Variants in RARS1 observed in about 807,000 individuals in gnomAD.
RARS1 encodes the protein arginine--tRNA ligase, cytoplasmic.
Under a neutral mutation model 78.7 loss-of-function variants are expected in RARS1, and 75 were observed. The observed-to-expected ratio is 0.95, with a 90% CI of 0.79 to 1.15. The LOEUF (loss-of-function observed/expected upper bound fraction) is 1.15, where lower values mean the gene tolerates loss of function less well. Ranked by LOEUF, RARS1 falls within the 50% of genes most tolerant of loss-of-function variation. The pLI, the probability that RARS1 is intolerant of heterozygous loss-of-function variation, is 0.00. For synonymous variants in RARS1, 273 were observed against 268.2 expected, an observed-to-expected ratio of 1.02 and a Z score of -0.18; for missense variants, 787 against 787.5, an observed-to-expected ratio of 1.00 and a Z score of 0.01.
At position 168,492,850 on chromosome 5, in the gene RARS1, G is replaced by A. The variant is rs1019030516; in HGVS notation, c.369+3G>A. ...ATAGTGCTATGGGTATTTCTCAGGT[G>A]ATGTATTGTCATGACTCTTGGCTGT... On this transcript the variant is annotated splice_donor_region_variant and intron_variant, in intron 3 of 14. Transcript: ENST00000231572. 1.0e-5 allele frequency: 16 copies of A among 1,592,742 alleles called. No individual in the cohort carries two copies. The highest frequency in any genetic ancestry group is 1.4e-5 in the Non-Finnish European group (16 of 1,162,108).
intron 9 of RARS1, among the ~76,000 whole-genome samples, chr5:168,504,073 A>G (rs1272865075): frequency 3.3e-5 from 5 of 151,550 alleles, no homozygotes; most frequent in African/African-American, 4.9e-5. Context: ...AAAAAAAAAA[A>G]AAAAAGAATA....
intron 9 of RARS1, among the ~76,000 whole-genome samples, chr5:168,502,697 A>G (rs1362061161): frequency 6.7e-6 from 1 of 149,794 alleles, no homozygotes. Flanking sequence ...TCAGCCTCCT[A>G]CGTAGCAGGA....
chr5:168,504,979 C>A (rs1048922881), intron 9 of RARS1, among the ~76,000 whole-genome samples: 4 of 152,168 alleles, frequency 2.6e-5, no homozygotes, highest in Admixed American at 6.5e-5. Context: ...GATGACAGAG[C>A]AAGACCCTGT....
intron 2 of RARS1, 97 bp downstream of exon 2, chr5:168,488,833 A>C: frequency 7.3e-7 from 1 of 1,374,078 alleles, no homozygotes; most frequent in Non-Finnish European, 9.8e-7. Context: ...TATCCTATGG[A>C]ATTTGGAAAA....
intron 3 of RARS1, 59 bp from the exon 4 acceptor site, chr5:168,493,835 A>G (rs17731981): frequency 0.028 from 39,181 of 1,376,620 alleles, 2,777 homozygotes; most frequent in Admixed American, 0.25. Flanking sequence ...TCAGGTGTGC[A>G]TTTGCGAGTA....
chr5:168,496,405 A>G (rs569793548), intron 6 of RARS1, among the ~76,000 whole-genome samples: 3 of 150,342 alleles, frequency 2.0e-5, no homozygotes. Context: ...CAGTAAGTCA[A>G]GAGGCTATCA....
rs569387659 is a variant in RARS1, at chr5:168,515,511, G to A, written c.1453-1267G>A. Among the ~76,000 whole-genome samples, 121 of 152,124 alleles carry A rather than the reference G, an allele frequency of 8.0e-4. 1 individual carries two copies. Among genetic ancestry groups the A allele is most frequent in the Non-Finnish European group, 6.2e-4 (42 of 68,038 alleles). On this transcript the variant is annotated intron_variant, in intron 12 of 14. Coordinates refer to ENST00000231572, the MANE Select transcript of RARS1 (RefSeq NM_002887.4). ...AAGATTTATTTGTTGTTGGGTGCTC[G>A]GCATTATGAAGAGAAAATTATAAAG... is the stretch of plus-strand genomic sequence containing the variant.
At chr5:168,486,588 C>T (rs1471104516) in intron 1 of RARS1, 45 bp downstream of exon 1, 1 of 1,547,430 alleles carries the variant, frequency 6.5e-7, no homozygotes, top group Non-Finnish European at 8.7e-7. Context: ...AGAGATGGAG[C>T]AGGCTCTGAC....
At chr5:168,495,198 T>C in intron 5 of RARS1, 117 bp from the exon 6 acceptor site, 3 of 1,434,830 alleles carry the variant, frequency 2.1e-6, no homozygotes, top group Non-Finnish European at 2.8e-6. Flanking sequence ...GAGTTTGTTA[T>C]TAAATGTGTT....
intron 2 of RARS1, among the ~76,000 whole-genome samples, chr5:168,489,447 T>C (rs1261773544): frequency 1.3e-5 from 2 of 152,246 alleles, no homozygotes; most frequent in African/African-American, 2.4e-5. Flanking sequence ...TTCTCTGCCC[T>C]AAGTTGGTTA....
intron 11 of RARS1, among the ~76,000 whole-genome samples, chr5:168,509,086 G>T (rs1181147645): frequency 6.6e-6 from 1 of 152,086 alleles, no homozygotes; most frequent in African/African-American, 2.4e-5. Context: ...AAAATTCATG[G>T]CAGGCGCAGG....
chr5:168,516,194 C>T (rs1758663394), intron 12 of RARS1, among the ~76,000 whole-genome samples: 1 of 151,598 alleles, frequency 6.6e-6, no homozygotes, highest in Non-Finnish European at 1.5e-5. Context: ...ATGTTTAACC[C>T]AGCTTTTAAA....
Position 168,494,349 on chromosome 5 carries a change from G to A in RARS1, c.479-201G>A, listed in dbSNP as rs61456455. ...AGTGAAAGGGCCCTGAGTTAAGTAG[G>A]AAGGTTTCAGGAGAGTGGTGAAGGC... On this transcript the variant is annotated intron_variant, in intron 4 of 14. Coordinates refer to ENST00000231572, the MANE Select transcript of RARS1 (RefSeq NM_002887.4). The A allele has an allele frequency of 5.2e-3, 5,077 of 985,402 alleles. 172 individuals carry two copies. In the African/African-American group the frequency reaches 0.083, roughly 16 times the overall value. The allele number at this position is 985,402 out of a possible 1,614,324, so 61.0% of individuals were successfully genotyped here. A position where few individuals can be genotyped will look rare whatever the true frequency, so the allele number is the denominator to read the frequency against.
intron 2 of RARS1, among the ~76,000 whole-genome samples, chr5:168,490,103 C>T (rs1315926160): frequency 2.0e-5 from 3 of 152,226 alleles, no homozygotes; most frequent in Admixed American, 6.5e-5. Flanking sequence ...CGTGAGCCAC[C>T]GTGCCCGGTG....
intron 12 of RARS1, among the ~76,000 whole-genome samples, 182 bp from the exon 13 acceptor site, chr5:168,516,596 A>G (rs747231404): frequency 6.6e-6 from 1 of 152,188 alleles, no homozygotes; most frequent in Non-Finnish European, 1.5e-5. Context: ...AACGCATTTT[A>G]TATTTTCATT....
chr5:168,502,206 A>G (rs1261603326), intron 9 of RARS1, 101 bp downstream of exon 9: 10 of 1,465,660 alleles, frequency 6.8e-6, no homozygotes, highest in African/African-American at 1.4e-5. Context: ...TCATCATCCA[A>G]TTTCAACAGT....
Position 168,492,718 on chromosome 5 carries a change from A to G in RARS1, c.240A>G (p.Leu80=). The stretch of plus-strand genomic sequence containing the variant: ...ATATGATTAACATTATTAGCCGCCT[A>G]CAAGAGGTCTTTGGTCATGCAATTA... ...TKNMINIISR[L]QEVFGHAIKA... Residue 80 remains leucine (L), a synonymous_variant, in exon 3 of 15, where the codon CTA becomes CTG. Coordinates refer to ENST00000231572, the MANE Select transcript of RARS1 (RefSeq NM_002887.4). 6.2e-7 allele frequency: 1 copy of G among 1,612,954 alleles called. No individual in the cohort carries two copies. The highest frequency in any genetic ancestry group is 8.5e-7 in the Non-Finnish European group (1 of 1,178,950).
Position 168,510,689 on chromosome 5 carries a change from A to C in RARS1, c.1452+3A>C. On this transcript the variant is annotated splice_donor_region_variant and intron_variant, in intron 12 of 14. Transcript: ENST00000231572. ...TGAAGGAAAAAGAAAGAGACAAGGT[A>C]ATTCAAAGCCTTATAGGCATAATGT... 1 of 1,587,596 alleles carries C rather than the reference A, an allele frequency of 6.3e-7. No homozygotes were observed. Among genetic ancestry groups the C allele is most frequent in the Non-Finnish European group, 8.6e-7 (1 of 1,166,174 alleles).
chr5:168,506,680 C>A, intron 10 of RARS1, 42 bp from the exon 11 acceptor site: 4 of 1,282,776 alleles, frequency 3.1e-6, no homozygotes, highest in South Asian at 1.4e-5. Context: ...TTTTTTTTTT[C>A]TTTAAAGAAG....
Sources: gnomAD v4.1 joint callset for allele counts (sites outside exome capture counted in the v4.1 genomes callset) on GRCh38, gnomAD v4.1.1 for gene constraint, MANE v1.5 for transcripts, NCBI Gene and HGNC (gene_info 2026-07-23, HGNC 2026-07-21) for gene names.